Variants in NME8 observed in about 807,000 individuals in gnomAD.
NME8 encodes protein NME8.
NME8 carries 72 observed loss-of-function variants against 82.3 expected under a neutral mutation model. The ratio of observed to expected loss-of-function variants is 0.87; its 90% confidence interval spans 0.72 to 1.06. NME8 has a LOEUF of 1.06. Among genes scored for constraint, NME8 ranks in the 50% least tolerant of loss-of-function variants. The pLI is 0.00. For missense variants in NME8, 712 were observed against 685.4 expected (o/e 1.04, Z -0.43); for synonymous variants, 267 against 228.5 (o/e 1.17, Z -1.52).
rs999446359 is a variant in NME8, at chr7:37,872,214, G to C, written c.818+4316G>C. On this transcript the variant is annotated intron_variant, in intron 11 of 17. Coordinates refer to ENST00000199447, the MANE Select transcript of NME8 (RefSeq NM_016616.5). ...TAGAATTATTGAATTCCTTGCCCTA[G>C]CTAGGTCTCTGGGGGCTTTTCCTGA... 2.6e-5 allele frequency among the ~76,000 whole-genome samples: 4 copies of C among 152,188 alleles called. No homozygotes were observed. In the East Asian group the frequency reaches 7.7e-4, roughly 29 times the overall value.
At chr7:37,855,182 A>G (rs1047032026) in intron 5 of NME8, among the ~76,000 whole-genome samples, 20 of 152,200 alleles carry the variant, frequency 1.3e-4, no homozygotes, top group Admixed American at 8.5e-4. Flanking sequence ...ATTCTCAGTG[A>G]CCAGGGGCAT....
chr7:37,864,534 G>C (rs1784648186), intron 9 of NME8, 113 bp downstream of exon 9: 3 of 1,098,612 alleles, frequency 2.7e-6, no homozygotes, highest in African/African-American at 1.5e-5. Context: ...ATGCACTACT[G>C]GTGCTAGGTA....
chr7:37,894,601 T>C lies in NME8; in HGVS notation c.1535T>C (p.Met512Thr), dbSNP rs373473524. The C allele has an allele frequency of 6.3e-7, 1 of 1,584,196 alleles. No individual in the cohort carries two copies. Among genetic ancestry groups the C allele is most frequent in the Non-Finnish European group, 8.7e-7 (1 of 1,153,994 alleles). ...GACTTTTATAAAGATTTATTGGAAA[T>C]GTTATCTGTGTAAGTTTCTGATACA... ...GKDFYKDLLE[M>T]LSVGPSMVMI... The change falls in exon 16 of 18, where the codon ATG becomes ACG. Residue 512 changes from methionine to threonine, a missense_variant. By Grantham distance (81) the Met-to-Thr change is moderately conservative. Transcript: ENST00000199447.
chr7:37,888,132 C>T lies in NME8; in HGVS notation c.1248-145C>T, dbSNP rs1435723137. 9 of 754,262 alleles carry T rather than the reference C, an allele frequency of 1.2e-5. No individual in the cohort carries two copies. The Admixed American group carries it at 1.4e-4, about 12-fold the overall frequency. 46.7% of individuals were successfully genotyped at this position (754,262 alleles called of 1,614,324 possible). Reference sequence around the variant, plus strand: ...TTGAAAAGAAGTAGCATGCCCTAAGCCGCCATGTACTTACTTCCTTTTGCA... The same window carrying T: ...TTGAAAAGAAGTAGCATGCCCTAAGTCGCCATGTACTTACTTCCTTTTGCA... On this transcript the variant is annotated intron_variant, in intron 14 of 17. Coordinates refer to ENST00000199447, the MANE Select transcript of NME8 (RefSeq NM_016616.5).
chr7:37,861,914 T>C (rs1345981061), intron 6 of NME8, 114 bp from the exon 7 acceptor site: 2 of 786,634 alleles, frequency 2.5e-6, no homozygotes, highest in Admixed American at 1.7e-5. Flanking sequence ...TAAAAGAGGA[T>C]TCATGAGGAT....
intron 5 of NME8, among the ~76,000 whole-genome samples, chr7:37,856,786 T>C (rs1482930682): frequency 6.6e-6 from 1 of 152,160 alleles, no homozygotes; most frequent in African/African-American, 2.4e-5. Context: ...GGAGATGAGA[T>C]ACAAACGTGG....
intron 17 of NME8, among the ~76,000 whole-genome samples, chr7:37,897,572 G>A (rs12673161): frequency 0.57 from 86,621 of 151,982 alleles, 25,200 homozygotes; most frequent in African/African-American, 0.67. Flanking sequence ...AAAATAGGAT[G>A]CATGCGCAGA....
At chr7:37,867,948 A>T in intron 11 of NME8, 50 bp downstream of exon 11, 1 of 1,539,356 alleles carries the variant, frequency 6.5e-7, no homozygotes, top group Non-Finnish European at 9.0e-7. Flanking sequence ...TTATTGGGTA[A>T]TGAAGCGTAG....
At chr7:37,851,968 C>G (rs1003991512) in intron 5 of NME8, among the ~76,000 whole-genome samples, 1 of 152,106 alleles carries the variant, frequency 6.6e-6, no homozygotes, top group African/African-American at 2.4e-5. Context: ...AATGCATTTT[C>G]CATAGGACTT....
intron 8 of NME8, 83 bp from the exon 9 acceptor site, chr7:37,864,265 A>T: frequency 4.1e-6 from 6 of 1,473,428 alleles, no homozygotes; most frequent in Non-Finnish European, 5.6e-6. Context: ...TTAGAAATTT[A>T]CATTGCTAAT....
Position 37,850,715 on chromosome 7 carries a change from G to T in NME8, c.178G>T (p.Glu60Ter). ...RKLKNELNED[E>*]ILHFAVAEAD... ...ATTGAAAAATGAACTGAACGAAGACGAAATTCTGCATTTTGCTGTCGTAAG... is the reference window on the plus strand; with the variant it reads ...ATTGAAAAATGAACTGAACGAAGACTAAATTCTGCATTTTGCTGTCGTAAG... Residue 60 changes from glutamate to a stop codon, truncating the protein, a stop_gained, in exon 5 of 18, where the codon GAA (glutamate) becomes TAA (stop). Transcript: ENST00000199447. LOFTEE classifies it high-confidence loss of function. 3 of 1,611,788 alleles carry T rather than the reference G, an allele frequency of 1.9e-6. No individual in the cohort carries two copies. The highest frequency in any genetic ancestry group is 2.5e-6 in the Non-Finnish European group (3 of 1,178,098).
intron 11 of NME8, 128 bp downstream of exon 11, chr7:37,868,026 C>A (rs1784715099): frequency 2.6e-6 from 2 of 776,292 alleles, no homozygotes; most frequent in Middle Eastern, 2.3e-4. Flanking sequence ...TTCCAGTCAA[C>A]CTAACATACT....
chr7:37,880,347 C>T (rs1260676834), intron 12 of NME8, among the ~76,000 whole-genome samples: 1 of 152,136 alleles, frequency 6.6e-6, no homozygotes, highest in Non-Finnish European at 1.5e-5. Flanking sequence ...ACATATAGGT[C>T]TATCATCCAT....
intron 6 of NME8, among the ~76,000 whole-genome samples, chr7:37,857,743 A>C (rs912009802): frequency 6.6e-6 from 1 of 152,218 alleles, no homozygotes. Flanking sequence ...TTTGTAATAC[A>C]CATTACTCTT....
chr7:37,864,931 G>T (rs1784655037), intron 9 of NME8, among the ~76,000 whole-genome samples: 1 of 152,064 alleles, frequency 6.6e-6, no homozygotes. Flanking sequence ...GGAAAGACTA[G>T]CCCCCATAAT....
chr7:37,865,316 C>T (rs1331007883), intron 9 of NME8, among the ~76,000 whole-genome samples: 2 of 152,150 alleles, frequency 1.3e-5, no homozygotes, highest in Non-Finnish European at 2.9e-5. Flanking sequence ...GCTACAGGCC[C>T]CAAGCAAGTC....
chr7:37,878,246 T>A (rs1027309508), intron 12 of NME8, among the ~76,000 whole-genome samples: 1 of 152,228 alleles, frequency 6.6e-6, no homozygotes, highest in African/African-American at 2.4e-5. Context: ...TTTGATAACA[T>A]GGTGGATTAT....
chr7:37,897,655 T>A (rs1016619812), intron 17 of NME8, among the ~76,000 whole-genome samples: 1 of 152,080 alleles, frequency 6.6e-6, no homozygotes, highest in Non-Finnish European at 1.5e-5. Flanking sequence ...TCCTTTAGGA[T>A]CCTTCCCCTC....
chr7:37,863,324 T>C, intron 7 of NME8, 72 bp from the exon 8 acceptor site: 1 of 883,016 alleles, frequency 1.1e-6, no homozygotes, highest in Non-Finnish European at 1.9e-6. Context: ...AGATACAAAA[T>C]TTCTAAAAAC....
Sources: allele counts gnomAD v4.1 joint callset (sites outside exome capture counted in the v4.1 genomes callset), GRCh38; gene constraint gnomAD v4.1.1; transcripts MANE v1.5; gene names NCBI Gene and HGNC (gene_info 2026-07-23, HGNC 2026-07-21).